Variants in MMP7 observed in about 807,000 individuals in gnomAD.
MMP7 encodes matrix metallopeptidase 7.
MMP7 carries 26 observed loss-of-function variants against 31.5 expected under a neutral mutation model. That is an observed-to-expected ratio of 0.83 (90% CI 0.61 to 1.15). MMP7 has a LOEUF of 1.15. Among genes scored for constraint, MMP7 ranks in the 50% most tolerant of loss-of-function variants. MMP7 has a pLI of 0.00. For synonymous variants in MMP7, 142 were observed against 124.2 expected, an observed-to-expected ratio of 1.14 and a Z score of -0.95; for missense variants, 367 against 326.5, an observed-to-expected ratio of 1.12 and a Z score of -0.96.
At chr11:102,524,252 G>C (rs559389519) in intron 4 of MMP7, 4 of 152,156 alleles carry the variant, frequency 2.6e-5, no homozygotes, top group Non-Finnish European at 5.9e-5. Flanking sequence ...AATTCCTTTT[G>C]CCAAACACAA....
chr11:102,527,340 A>G, intron 3 of MMP7, 184 bp downstream of exon 3: 1 of 715,916 alleles, frequency 1.4e-6, no homozygotes, highest in Non-Finnish European at 2.2e-6. Context: ...CTGCTGCTAT[A>G]AAAAGTGGCT....
In MMP7 at chr11:102,525,478, G is replaced by A. The variant is rs552516396; in HGVS notation, c.485-414C>T. Among the ~76,000 whole-genome samples the A allele has an allele frequency of 1.0e-4, 15 of 150,120 alleles. No individual in the cohort carries two copies. The South Asian group carries it at 3.2e-3, about 32-fold the overall frequency. ...TTAAAAAAAAAAAAAAGGCAGCCCAGTGCAAGTAGCTGACATTGTTATGTG... is the reference window on the plus strand; with the variant it reads ...TTAAAAAAAAAAAAAAGGCAGCCCAATGCAAGTAGCTGACATTGTTATGTG... On this transcript the variant is annotated intron_variant, in intron 3 of 5. Coordinates refer to ENST00000260227, the MANE Select transcript of MMP7 (RefSeq NM_002423.5).
intron 3 of MMP7, among the ~76,000 whole-genome samples, chr11:102,526,528 C>T (rs950614058): frequency 1.3e-5 from 2 of 152,120 alleles, no homozygotes; most frequent in African/African-American, 4.8e-5. Flanking sequence ...TGAGCCACCA[C>T]ACCCTGCTGT....
At position 102,528,600 on chromosome 11, in the gene MMP7, T is replaced by C. The variant is rs114108903; in HGVS notation, c.109-617A>G. Among the ~76,000 whole-genome samples the C allele has an allele frequency of 5.4e-3, 819 of 152,340 alleles. 5 individuals are homozygous for C. Among genetic ancestry groups the C allele is most frequent in the African/African-American group, 0.018 (764 of 41,570 alleles). ...CTTGACTTTCCTGACTCCTAGGTCC[T>C]CTTTTCCCTCTTTCTGCTCATTCCA... On this transcript the variant is annotated intron_variant, in intron 1 of 5. Transcript: ENST00000260227.
chr11:102,520,740 C>T lies in MMP7; in HGVS notation c.*36G>A. On this transcript the variant is annotated 3_prime_UTR_variant, in exon 6 of 6. Coordinates refer to ENST00000260227, the MANE Select transcript of MMP7 (RefSeq NM_002423.5). ...GATTGTGCAACAATGATATACAATC[C>T]AATGAATGAATGAATGGATGTTCTG... The T allele has an allele frequency of 6.6e-7, 1 of 1,514,064 alleles. No individual in the cohort carries two copies. The highest frequency in any genetic ancestry group is 9.1e-7 in the Non-Finnish European group (1 of 1,103,378). 93.8% of individuals were successfully genotyped at this position (1,514,064 alleles called of 1,614,324 possible). A position where few individuals can be genotyped will look rare whatever the true frequency, so the allele number is the denominator to read the frequency against.
At chr11:102,530,337 A>G (rs1858721322) in intron 1 of MMP7, among the ~76,000 whole-genome samples, 1 of 152,228 alleles carries the variant, frequency 6.6e-6, no homozygotes, top group South Asian at 2.1e-4. Context: ...CCTGAAGCTT[A>G]GAGAAGTTTG....
At chr11:102,527,251 C>T (rs1723445704) in intron 3 of MMP7, 1 of 432,428 alleles carries the variant, frequency 2.3e-6, no homozygotes, top group African/African-American at 2.0e-5. Context: ...AATGAAGGAG[C>T]CTGACTGTGT....
Position 102,527,804 on chromosome 11 carries a change from T to A in MMP7, c.288A>T (p.Ser96=), listed in dbSNP as rs1454655248. Residue 96 remains serine, a synonymous_variant, in exon 2 of 6, where the codon TCA becomes TCT. Coordinates refer to ENST00000260227, the MANE Select transcript of MMP7 (RefSeq NM_002423.5). ...TCCATTTTGGGCTATTTGGAAATAG[T>A]GAGTATTCTGCAACATCTGGCACTC... ...RCGVPDVAEY[S]LFPNSPKWTS... 6.2e-7 allele frequency: 1 copy of A among 1,614,146 alleles called. No homozygotes were observed. The highest frequency in any genetic ancestry group is 8.5e-7 in the Non-Finnish European group (1 of 1,180,024).
chr11:102,530,516 G>T, intron 1 of MMP7, 77 bp downstream of exon 1: 1 of 1,171,200 alleles, frequency 8.5e-7, no homozygotes, highest in Non-Finnish European at 1.3e-6. Context: ...AACATGGGAA[G>T]GGAAATAATT....
rs1858654396 is a variant in MMP7, at chr11:102,525,041, C to T, written c.508G>A (p.Asp170Asn). 1 of 1,612,316 alleles carries T rather than the reference C, an allele frequency of 6.2e-7. No homozygotes were observed. The highest frequency in any genetic ancestry group is 1.1e-5 in the South Asian group (1 of 90,898). Residue 170 changes from aspartate to asparagine, a missense_variant, in exon 4 of 6, where the codon GAT becomes AAT. By Grantham distance (23) the Asp-to-Asn change is conservative. Transcript: ENST00000260227. Reference sequence around the variant, plus strand: ...TGAGCCAGCGTGTTTCCTGGCCCATCAAATGGGTAGGAGTCCCCATGAGCT... The same window carrying T: ...TGAGCCAGCGTGTTTCCTGGCCCATTAAATGGGTAGGAGTCCCCATGAGCT... ...RGAHGDSYPF[D>N]GPGNTLAHAF...
At chr11:102,527,147 A>G (rs1003311041) in intron 3 of MMP7, 2 of 246,848 alleles carry the variant, frequency 8.1e-6, no homozygotes, top group Admixed American at 5.1e-5. Flanking sequence ...GGGTTGGCAA[A>G]CTTTTTCTGT....
In MMP7 at chr11:102,520,703, C is replaced by G. The variant is rs950448184; in HGVS notation, c.*73G>C. 7 of 1,265,764 alleles carry G rather than the reference C, an allele frequency of 5.5e-6. No homozygotes were observed. Among genetic ancestry groups the G allele is most frequent in the African/African-American group, 1.5e-5 (1 of 67,180 alleles). The allele number at this position is 1,265,764 out of a possible 1,614,324, so 78.4% of individuals were successfully genotyped here. On this transcript the variant is annotated 3_prime_UTR_variant, in exon 6 of 6. Transcript: ENST00000260227. ...TGCTAAATGGAGTGGAGGAACAGTG[C>G]TTATCAATTCTGATTGTGCAACAAT...
intron 3 of MMP7, chr11:102,527,080 C>T: frequency 5.6e-6 from 1 of 179,668 alleles, no homozygotes; most frequent in Admixed American, 5.5e-5. Flanking sequence ...GAGTGTATTC[C>T]CATTGTTAAG....
intron 5 of MMP7, among the ~76,000 whole-genome samples, chr11:102,521,255 C>T (rs375031946): frequency 7.9e-5 from 12 of 152,100 alleles, no homozygotes; most frequent in East Asian, 3.8e-4. Context: ...TGGATTGCAG[C>T]GGTGTGATCT....
At position 102,520,611 on chromosome 11, in the gene MMP7, G is replaced by A; in HGVS notation, c.*165C>T. The A allele has an allele frequency of 3.6e-6, 2 of 562,142 alleles. No individual in the cohort carries two copies. The highest frequency in any genetic ancestry group is 3.2e-6 in the Non-Finnish European group (1 of 317,010). The allele number at this position is 562,142 out of a possible 1,614,324, so 34.8% of individuals were successfully genotyped here. A position where few individuals can be genotyped will look rare whatever the true frequency, so the allele number is the denominator to read the frequency against. ...GAATAAGACACAGTCACACCATAAA[G>A]GAGTTTATCCTTAAAAGGAGTGAAA... is the stretch of plus-strand genomic sequence containing the variant. On this transcript the variant is annotated 3_prime_UTR_variant, in exon 6 of 6. Transcript: ENST00000260227.
chr11:102,528,110 T>A, intron 1 of MMP7, 127 bp from the exon 2 acceptor site: 1 of 710,604 alleles, frequency 1.4e-6, no homozygotes, highest in African/African-American at 1.8e-5. Flanking sequence ...AATAATTACA[T>A]AGTCACAGAG....
intron 5 of MMP7, among the ~76,000 whole-genome samples, chr11:102,522,572 G>A (rs771321904): frequency 1.2e-4 from 18 of 152,132 alleles, no homozygotes; most frequent in Non-Finnish European, 2.4e-4. Flanking sequence ...TAGCCTCTTT[G>A]AATCTTACTT....
intron 2 of MMP7, 33 bp downstream of exon 2, chr11:102,527,724 G>A (rs755560151): frequency 5.6e-6 from 9 of 1,613,618 alleles, no homozygotes; most frequent in Non-Finnish European, 6.8e-6. Flanking sequence ...AGGCTTTATT[G>A]TTTTTGCCAA....
At position 102,524,997 on chromosome 11, in the gene MMP7, T is replaced by G; in HGVS notation, c.552A>C (p.Thr184=). The G allele has an allele frequency of 8.1e-6, 13 of 1,614,020 alleles. No individual in the cohort carries two copies. Among genetic ancestry groups the G allele is most frequent in the Non-Finnish European group, 1.1e-5 (13 of 1,179,946 alleles). The change falls in exon 4 of 6, where the codon ACA becomes ACC. Residue 184 remains threonine, a synonymous_variant. Transcript: ENST00000260227. The part of the protein sequence containing the change: ...NTLAHAFAPG[T]GLGGDAHFDE... ...CGAAGTGAGCATCTCCTCCGAGACC[T>G]GTCCCAGGCGCAAAGGCATGAGCCA...
Sources: allele counts gnomAD v4.1 joint callset (sites outside exome capture counted in the v4.1 genomes callset), GRCh38; gene constraint gnomAD v4.1.1; transcripts MANE v1.5; gene names NCBI Gene and HGNC (gene_info 2026-07-23, HGNC 2026-07-21).